Variants in PIK3R1 observed in about 807,000 individuals in gnomAD.
PIK3R1 encodes phosphatidylinositol 3-kinase regulatory subunit alpha.
A neutral mutation model predicts 98.0 loss-of-function variants in PIK3R1; 29 were observed. The ratio of observed to expected loss-of-function variants is 0.30; its 90% CI spans 0.22 to 0.40. PIK3R1 has a LOEUF of 0.40. Among genes scored for constraint, PIK3R1 ranks in the 10% least tolerant of loss-of-function variants. The pLI is 1.00. For missense variants in PIK3R1, 596 were observed against 872.7 expected, an observed-to-expected ratio of 0.68 and a Z score of 3.99; for synonymous variants, 282 against 311.8, an observed-to-expected ratio of 0.90 and a Z score of 1.01.
intron 2 of PIK3R1, among the ~76,000 whole-genome samples, chr5:68,244,632 G>A (rs967913503): frequency 6.7e-6 from 1 of 149,708 alleles, no homozygotes; most frequent in Non-Finnish European, 1.5e-5. Flanking sequence ...ATTGTAATTC[G>A]TGCTGAATAT....
At position 68,215,892 on chromosome 5, in the gene PIK3R1, G is replaced by A. The variant is rs1743838913; in HGVS notation, c.-444G>A. 2.0e-5 allele frequency: 3 copies of A among 151,416 alleles called. No homozygotes were observed. Among genetic ancestry groups the A allele is most frequent in the Admixed American group, 6.6e-5 (1 of 15,146 alleles). 9.4% of individuals were successfully genotyped at this position (151,416 alleles called of 1,614,324 possible). On this transcript the variant is annotated 5_prime_UTR_variant, in exon 1 of 16. Transcript: ENST00000521381. ...GGCTGGAGGCCGGTCGGAACCGAGC[G>A]GGCAGGAGGCCACCGCTGCAGCGCG...
At position 68,226,862 on chromosome 5, in the gene PIK3R1, A is replaced by T. The variant is rs1444581630; in HGVS notation, c.187A>T (p.Thr63Ser). The T allele has an allele frequency of 6.2e-7, 1 of 1,614,156 alleles. No individual in the cohort carries two copies. The highest frequency in any genetic ancestry group is 2.2e-5 in the East Asian group (1 of 44,874). The change falls in exon 2 of 16, where the codon ACA becomes TCA. Residue 63 changes from threonine (T) to serine (S), a missense_variant. Around this residue, in one of 3 missense-constraint regions of PIK3R1, gnomAD observed 352 missense variants for 393.3 expected, o/e 0.90. Transcript: ENST00000521381. ...CTGGTTAAATGGCTATAATGAAACC[A>T]CAGGGGAAAGGGGGGACTTTCCGGG... ...IGWLNGYNET[T>S]GERGDFPGTY...
chr5:68,292,968 TG>T, intron 8 of PIK3R1, 132 bp from the exon 9 acceptor site: 1 of 716,544 alleles, frequency 1.4e-6, no homozygotes, highest in Non-Finnish European at 2.3e-6. Context: ...AGGAGGAATA[TG>T]GGCACTCACT....
intron 1 of PIK3R1, among the ~76,000 whole-genome samples, chr5:68,225,902 G>T (rs564630402): frequency 6.6e-6 from 1 of 152,230 alleles, no homozygotes; most frequent in South Asian, 2.1e-4. Flanking sequence ...TGTAACTAGC[G>T]TCCGACCACA....
At chr5:68,263,693 T>A (rs1746003025) in intron 2 of PIK3R1, among the ~76,000 whole-genome samples, 1 of 152,236 alleles carries the variant, frequency 6.6e-6, no homozygotes, top group Non-Finnish European at 1.5e-5. Context: ...TATAGTCTTA[T>A]ATCAGTGATC....
At position 68,293,322 on chromosome 5, in the gene PIK3R1, T is replaced by C; in HGVS notation, c.1138T>C (p.Leu380=). Residue 380 remains leucine, a synonymous_variant, in exon 10 of 16, where the codon TTA becomes CTA. Coordinates refer to ENST00000521381, the MANE Select transcript of PIK3R1 (RefSeq NM_181523.3). ...TTACAGGAAAGGGGGAAATAACAAA[T>C]TAATCAAAATATTTCATCGAGATGG... ...LTLRKGGNNK[L]IKIFHRDGKY... is the part of the protein sequence containing the mutation. 6.2e-7 allele frequency: 1 copy of C among 1,612,116 alleles called. No homozygotes were observed.
In PIK3R1 at chr5:68,293,490, A is replaced by C. The variant is rs773683514; in HGVS notation, c.1299+7A>C. Reference sequence around the variant, plus strand: ...AGTATCCAAATACCAACAGGTAATAAAAACTGAATGAATTATCCAGTTACG... The same window carrying C: ...AGTATCCAAATACCAACAGGTAATACAAACTGAATGAATTATCCAGTTACG... On this transcript the variant is annotated splice_region_variant and intron_variant, in intron 10 of 15. Coordinates refer to ENST00000521381, the MANE Select transcript of PIK3R1 (RefSeq NM_181523.3). 1 of 1,589,260 alleles carries C rather than the reference A, an allele frequency of 6.3e-7. No individual in the cohort carries two copies. Among genetic ancestry groups the C allele is most frequent in the African/African-American group, 1.3e-5 (1 of 74,270 alleles).
intron 2 of PIK3R1, among the ~76,000 whole-genome samples, chr5:68,271,909 G>A (rs1256616290): frequency 6.6e-6 from 1 of 152,040 alleles, no homozygotes; most frequent in South Asian, 2.1e-4. Flanking sequence ...CTTTCATAAC[G>A]TGAATTTGTT....
rs372976532 is a variant in PIK3R1, at chr5:68,217,904, AT to A, written c.-387+1958del. On this transcript the variant is annotated intron_variant, in intron 1 of 15. Coordinates refer to ENST00000521381, the MANE Select transcript of PIK3R1 (RefSeq NM_181523.3). ...TACTGGCTTGCAAAGTGTAATGTGCATTTACTTTTAACTTTCATCTTGACTT... is the reference window on the plus strand; with the variant it reads ...TACTGGCTTGCAAAGTGTAATGTGCATTACTTTTAACTTTCATCTTGACTT... 36 of 152,266 alleles carry A rather than the reference AT, an allele frequency of 2.4e-4. 1 individual carries two copies. Among genetic ancestry groups the A allele is most frequent in the African/African-American group, 8.7e-4 (36 of 41,548 alleles). 9.4% of individuals were successfully genotyped at this position (152,266 alleles called of 1,614,324 possible).
At chr5:68,234,484 G>A (rs1225982397) in intron 2 of PIK3R1, among the ~76,000 whole-genome samples, 1 of 152,230 alleles carries the variant, frequency 6.6e-6, no homozygotes, top group East Asian at 1.9e-4. Flanking sequence ...TATTGCTTAT[G>A]AAAGTGCCCA....
At chr5:68,233,812 G>A (rs772797463) in intron 2 of PIK3R1, among the ~76,000 whole-genome samples, 6 of 152,178 alleles carry the variant, frequency 3.9e-5, no homozygotes, top group Non-Finnish European at 8.8e-5. Context: ...TATGTATGCA[G>A]AACTTTCTCC....
rs760360348 is a variant in PIK3R1 at position 68,295,459 on chromosome 5, C to T, written c.1785C>T (p.Asn595=). 6.8e-6 allele frequency: 11 copies of T among 1,613,984 alleles called. No homozygotes were observed. The highest frequency in any genetic ancestry group is 5.5e-5 in the South Asian group (5 of 91,086). The change falls in exon 14 of 16, where the codon AAC becomes AAT. Residue 595 remains asparagine, a synonymous_variant. Transcript: ENST00000521381. The part of the protein sequence containing the change: ...TQKGVRQKKL[N]EWLGNENTED... ...AAGGTGTTCGGCAAAAGAAGTTGAA[C>T]GAGTGGTTGGGCAATGAAAACACTG...
At position 68,226,727 on chromosome 5, in the gene PIK3R1, A is replaced by G; in HGVS notation, c.52A>G (p.Arg18Gly). The change falls in exon 2 of 16, where the codon AGA becomes GGA. Residue 18 changes from arginine to glycine, a missense_variant. Physicochemically the swap from Arg to Gly is moderately radical, Grantham distance 125. Around this residue, in one of 3 missense-constraint regions of PIK3R1, gnomAD observed 352 missense variants for 393.3 expected, o/e 0.90. Transcript: ENST00000521381. ...YRALYDYKKE[R>G]EEDIDLHLGD... Reference sequence around the variant, plus strand: ...AGCGCTGTATGATTATAAAAAGGAAAGAGAAGAAGATATTGACTTGCACTT... The same window carrying G: ...AGCGCTGTATGATTATAAAAAGGAAGGAGAAGAAGATATTGACTTGCACTT... 1 of 1,614,164 alleles carries G rather than the reference A, an allele frequency of 6.2e-7. No homozygotes were observed. The highest frequency in any genetic ancestry group is 8.5e-7 in the Non-Finnish European group (1 of 1,180,010).
intron 2 of PIK3R1, among the ~76,000 whole-genome samples, chr5:68,238,515 A>G (rs115072515): frequency 1.3e-5 from 2 of 152,196 alleles, no homozygotes; most frequent in Non-Finnish European, 2.9e-5. Flanking sequence ...TCAGGCGGTT[A>G]TGAGATGAAA....
rs911371205 is a variant in PIK3R1 at position 68,226,621 on chromosome 5, T to C, written c.-55T>C. 7.8e-6 allele frequency: 11 copies of C among 1,403,796 alleles called. No individual in the cohort carries two copies. The African/African-American group carries it at 8.6e-5, about 11-fold the overall frequency. 87.0% of individuals were successfully genotyped at this position (1,403,796 alleles called of 1,614,324 possible). ...ATTCACTTTTCATAAAAACGTAAAATCAGACTGCTCTGTACAACCAGGCTC... is the reference window on the plus strand; with the variant it reads ...ATTCACTTTTCATAAAAACGTAAAACCAGACTGCTCTGTACAACCAGGCTC... On this transcript the variant is annotated 5_prime_UTR_variant, in exon 2 of 16. Transcript: ENST00000521381.
chr5:68,248,164 G>A (rs566320686), intron 2 of PIK3R1, among the ~76,000 whole-genome samples: 7 of 152,140 alleles, frequency 4.6e-5, no homozygotes, highest in African/African-American at 1.4e-4. Flanking sequence ...ATTTTTAGTA[G>A]AGATGGGGTT....
At chr5:68,240,970 TC>T (rs1217350787) in intron 2 of PIK3R1, among the ~76,000 whole-genome samples, 1 of 152,228 alleles carries the variant, frequency 6.6e-6, no homozygotes, top group African/African-American at 2.4e-5. Flanking sequence ...ATGACGAGTC[TC>T]TTGATTCAGT....
intron 2 of PIK3R1, among the ~76,000 whole-genome samples, chr5:68,250,665 A>T (rs1745270988): frequency 6.6e-6 from 1 of 152,158 alleles, no homozygotes; most frequent in South Asian, 2.1e-4. Context: ...TTTTTTGGGG[A>T]AAATGTGTTC....
intron 6 of PIK3R1, 23 bp downstream of exon 6, chr5:68,280,752 G>GT: frequency 6.2e-7 from 1 of 1,600,914 alleles, no homozygotes; most frequent in Non-Finnish European, 8.6e-7. Flanking sequence ...AGACAAACAT[G>GT]TATTTTGGGG....
Sources: gnomAD v4.1 joint callset for allele counts (sites outside exome capture counted in the v4.1 genomes callset) on GRCh38, gnomAD v4.1.1 for gene constraint, gnomAD v4.1.1 regional missense constraint, MANE v1.5 for transcripts, NCBI Gene and HGNC (gene_info 2026-07-23, HGNC 2026-07-21) for gene names.